The following MTREX variants were observed in gnomAD, a reference collection of about 807,000 sequenced individuals.
MTREX encodes the protein exosome RNA helicase MTR4.
In MTREX, 76 loss-of-function variants were observed where a neutral mutation model predicts 135.4. The ratio of observed to expected loss-of-function variants is 0.56; its 90% CI spans 0.47 to 0.68. The LOEUF is 0.68. MTREX is among the 30% of genes least tolerant of loss of function. The probability of loss-of-function intolerance (pLI) is 0.00; values close to 1 mark genes in which losing one functional copy is unlikely to be tolerated. For synonymous variants in MTREX, 404 were observed against 401.6 expected (o/e 1.01, Z -0.07); for missense variants, 920 against 1,262.1 (o/e 0.73, Z 4.11).
At chr5:55,342,006 G>A (rs966710392) in intron 7 of MTREX, among the ~76,000 whole-genome samples, 3 of 152,110 alleles carry the variant, frequency 2.0e-5, no homozygotes, top group African/African-American at 7.2e-5. Flanking sequence ...GTTCGCTGCA[G>A]CCTTGATCTC....
intron 23 of MTREX, among the ~76,000 whole-genome samples, chr5:55,413,318 A>G (rs980824467): frequency 1.3e-5 from 2 of 150,710 alleles, no homozygotes; most frequent in African/African-American, 4.9e-5. Flanking sequence ...GCTGGGCAAC[A>G]GAGCGAGACT....
Position 55,400,217 on chromosome 5 carries a change from T to G in MTREX, c.2293-16T>G, listed in dbSNP as rs750663710. On this transcript the variant is annotated splice_polypyrimidine_tract_variant and intron_variant, in intron 20 of 26. Transcript: ENST00000230640. ...TTGACTATAAGATGAAAATGAATTT[T>G]ACATATTTTTTTCAGGAAGTTCAGA... The G allele has an allele frequency of 6.5e-7, 1 of 1,540,550 alleles. No individual in the cohort carries two copies. The highest frequency in any genetic ancestry group is 2.3e-5 in the East Asian group (1 of 44,166).
At chr5:55,315,670 A>G (rs1222128873) in intron 1 of MTREX, among the ~76,000 whole-genome samples, 1 of 152,146 alleles carries the variant, frequency 6.6e-6, no homozygotes, top group African/African-American at 2.4e-5. Context: ...TGTGTACTTC[A>G]TACAAATCTC....
chr5:55,400,515 C>A, intron 21 of MTREX, 94 bp downstream of exon 21: 1 of 793,470 alleles, frequency 1.3e-6, no homozygotes, highest in Non-Finnish European at 1.9e-6. Flanking sequence ...GTTTAATTGG[C>A]TAAAACAGGA....
At chr5:55,393,037 C>T (rs972152430) in intron 19 of MTREX, among the ~76,000 whole-genome samples, 1 of 152,142 alleles carries the variant, frequency 6.6e-6, no homozygotes, top group South Asian at 2.1e-4. Context: ...TGGAAATAGG[C>T]CTTCAAAGAG....
intron 23 of MTREX, among the ~76,000 whole-genome samples, chr5:55,412,650 G>A (rs1444809607): frequency 6.6e-6 from 1 of 152,286 alleles, no homozygotes; most frequent in East Asian, 1.9e-4. Context: ...CTTATATTGA[G>A]GCCTATAGGA....
intron 25 of MTREX, among the ~76,000 whole-genome samples, chr5:55,418,454 T>C (rs1247337974): frequency 1.4e-5 from 2 of 147,658 alleles, no homozygotes; most frequent in East Asian, 2.0e-4. Flanking sequence ...ATGCCACCTA[T>C]GAGTTGACTT....
rs113548513 is a variant in MTREX at position 55,353,078 on chromosome 5, A to G, written c.1432-90A>G. ...TTGTAGGATCTCATTAACTAATTTTAAAGATTAATAATGCATTTACTTAAA... is the reference window on the plus strand; with the variant it reads ...TTGTAGGATCTCATTAACTAATTTTGAAGATTAATAATGCATTTACTTAAA... On this transcript the variant is annotated intron_variant, in intron 13 of 26. Transcript: ENST00000230640. The G allele has an allele frequency of 1.5e-4, 104 of 699,898 alleles. 1 individual carries two copies. The African/African-American group carries it at 1.5e-3, about 10-fold the overall frequency. 43.4% of individuals were successfully genotyped at this position (699,898 alleles called of 1,614,324 possible). A position where few individuals can be genotyped will look rare whatever the true frequency, so the allele number is the denominator to read the frequency against.
chr5:55,380,647 T>C (rs1750381689), intron 18 of MTREX, among the ~76,000 whole-genome samples: 1 of 152,206 alleles, frequency 6.6e-6, no homozygotes, highest in African/African-American at 2.4e-5. Flanking sequence ...TGATATATTA[T>C]TTTCTTTATG....
At position 55,322,367 on chromosome 5, in the gene MTREX, A is replaced by G. The variant is rs776588155; in HGVS notation, c.175A>G (p.Asn59Asp). Residue 59 changes from asparagine (N) to aspartate (D), a missense_variant, in exon 2 of 27, where the codon AAT becomes GAT. By Grantham distance (23) the Asn-to-Asp change is conservative. Coordinates refer to ENST00000230640, the MANE Select transcript of MTREX (RefSeq NM_015360.5). ...DGKLQSESTN[N>D]GKNKRDVDFE... is the part of the protein sequence containing the mutation. ...TAAATTACAATCAGAATCAACTAAT[A>G]ATGGAAAAAATAAGAGAGATGTAGA... The G allele has an allele frequency of 6.2e-7, 1 of 1,608,992 alleles. No individual in the cohort carries two copies. The highest frequency in any genetic ancestry group is 1.7e-5 in the Admixed American group (1 of 59,358).
At chr5:55,353,074 T>C (rs1443491001) in intron 13 of MTREX, 94 bp from the exon 14 acceptor site, 3 of 677,214 alleles carry the variant, frequency 4.4e-6, no homozygotes, top group Non-Finnish European at 7.0e-6. Context: ...CATTAACTAA[T>C]TTTAAAGATT....
chr5:55,375,749 T>C (rs1750289003), intron 16 of MTREX, among the ~76,000 whole-genome samples: 2 of 152,172 alleles, frequency 1.3e-5, no homozygotes, highest in South Asian at 4.1e-4. Context: ...CATGAAATCT[T>C]TACAATTTAT....
intron 11 of MTREX, 50 bp downstream of exon 11, chr5:55,347,194 A>C: frequency 6.6e-7 from 1 of 1,512,938 alleles, no homozygotes; most frequent in Non-Finnish European, 9.0e-7. Context: ...AATGAGCGTA[A>C]AATATATTTC....
chr5:55,401,516 T>C (rs1750723456), intron 21 of MTREX, among the ~76,000 whole-genome samples: 1 of 152,244 alleles, frequency 6.6e-6, no homozygotes, highest in Admixed American at 6.5e-5. Context: ...TAGGTAGGAT[T>C]GATGGATCAT....
chr5:55,353,331 C>A, intron 14 of MTREX, 62 bp downstream of exon 14: 4 of 1,016,572 alleles, frequency 3.9e-6, no homozygotes, highest in Non-Finnish European at 5.9e-6. Flanking sequence ...AGATAACTGG[C>A]TTACATAGTC....
rs1437506969 is a variant in MTREX at position 55,322,480 on chromosome 5, TC to T, written c.272+18del. ...AAGACTTAAGGTAATATTTCCAAAG[TC>T]CTAAATGTTAGTAACTCATAATTCA... On this transcript the variant is annotated intron_variant, in intron 2 of 26. Transcript: ENST00000230640. 1 of 1,555,392 alleles carries T rather than the reference TC, an allele frequency of 6.4e-7. No homozygotes were observed.
chr5:55,349,422 C>G, intron 11 of MTREX, 151 bp from the exon 12 acceptor site: 1 of 569,928 alleles, frequency 1.8e-6, no homozygotes, highest in Non-Finnish European at 3.2e-6. Context: ...CTTCTGGCCT[C>G]AAGCCAGCCA....
In MTREX at chr5:55,326,224, C is replaced by G. The variant is rs769037149; in HGVS notation, c.340-1492C>G. Among the ~76,000 whole-genome samples, 27 of 152,106 alleles carry G rather than the reference C, an allele frequency of 1.8e-4. No homozygotes were observed. The South Asian group carries it at 2.9e-3, about 16-fold the overall frequency. On this transcript the variant is annotated intron_variant, in intron 3 of 26. Coordinates refer to ENST00000230640, the MANE Select transcript of MTREX (RefSeq NM_015360.5). ...CCAGTCTGGCCAGCATGGTGAAACC[C>G]CGTCTCTACTAAAAATACAAAAAAA...
chr5:55,412,295 AC>A (rs1227699808), intron 23 of MTREX, among the ~76,000 whole-genome samples: 1 of 152,212 alleles, frequency 6.6e-6, no homozygotes, highest in Non-Finnish European at 1.5e-5. Context: ...TGATATAATA[AC>A]TTCTATTTTA....
Sources: allele counts gnomAD v4.1 joint callset (sites outside exome capture counted in the v4.1 genomes callset), GRCh38; gene constraint gnomAD v4.1.1; transcripts MANE v1.5; gene names NCBI Gene and HGNC (gene_info 2026-07-23, HGNC 2026-07-21).